SLC51A: variants seen among roughly 807,000 people sequenced by gnomAD.
SLC51A encodes the protein solute carrier family 51 member A.
Under a neutral mutation model 34.8 loss-of-function variants are expected in SLC51A, and 22 were observed. The observed-to-expected ratio is 0.63, with a 90% CI of 0.45 to 0.90. The LOEUF (loss-of-function observed/expected upper bound fraction) is 0.90, where lower values mean the gene tolerates loss of function less well. Ranked by LOEUF, SLC51A falls within the 40% of genes least tolerant of loss-of-function variation. The pLI, the probability that SLC51A is intolerant of heterozygous loss-of-function variation, is 0.00. For missense variants in SLC51A, 371 were observed against 414.8 expected (o/e 0.89, Z 0.92); for synonymous variants, 181 against 176.3 (o/e 1.03, Z -0.21).
intron 7 of SLC51A, among the ~76,000 whole-genome samples, chr3:196,232,171 A>C (rs911169022): frequency 2.0e-5 from 3 of 152,256 alleles, no homozygotes; most frequent in African/African-American, 7.2e-5. Flanking sequence ...TGAACCCTTT[A>C]ATCAGTTCTT....
chr3:196,233,051 C>G lies in SLC51A; in HGVS notation c.887-12C>G. On this transcript the variant is annotated splice_polypyrimidine_tract_variant and intron_variant, in intron 8 of 8. Transcript: ENST00000296327. ...CAGCATAACCTACGCTGTATTTCACCCTACACTGCAGTGATGAATTGCCAC... is the reference window on the plus strand; with the variant it reads ...CAGCATAACCTACGCTGTATTTCACGCTACACTGCAGTGATGAATTGCCAC... 1 of 1,613,662 alleles carries G rather than the reference C, an allele frequency of 6.2e-7. No homozygotes were observed. The highest frequency in any genetic ancestry group is 8.5e-7 in the Non-Finnish European group (1 of 1,179,740).
At chr3:196,226,254 C>G (rs919545215) in intron 2 of SLC51A, among the ~76,000 whole-genome samples, 1 of 151,916 alleles carries the variant, frequency 6.6e-6, no homozygotes, top group African/African-American at 2.4e-5. Context: ...CCCGGAAGGT[C>G]AAGGTTGCAG....
At chr3:196,219,793 T>C (rs1022607378) in intron 2 of SLC51A, among the ~76,000 whole-genome samples, 2 of 152,202 alleles carry the variant, frequency 1.3e-5, no homozygotes, top group South Asian at 4.1e-4. Flanking sequence ...CTAAACTTCC[T>C]ACAGGGCACG....
In SLC51A at chr3:196,228,105, C is replaced by A. The variant is rs755016807; in HGVS notation, c.363-10C>A. The A allele has an allele frequency of 1.2e-6, 2 of 1,610,808 alleles. No individual in the cohort carries two copies. The highest frequency in any genetic ancestry group is 1.7e-6 in the Non-Finnish European group (2 of 1,178,092). On this transcript the variant is annotated splice_polypyrimidine_tract_variant and intron_variant, in intron 4 of 8. Coordinates refer to ENST00000296327, the MANE Select transcript of SLC51A (RefSeq NM_152672.6). The surrounding 1 kb of genome is among the most constrained non-coding windows in gnomAD (Gnocchi z 4.9). ...CAGACCTCGTAGGCCCTCTTCTCTC[C>A]CCACCCCAGGTTTTATGCCGTGTGC...
At chr3:196,217,317 TGAG>T (rs1723616225) in intron 1 of SLC51A, among the ~76,000 whole-genome samples, 1 of 152,218 alleles carries the variant, frequency 6.6e-6, no homozygotes, top group Non-Finnish European at 1.5e-5. Flanking sequence ...AGTTCCAGTT[TGAG>T]TCCTGGAGTT....
chr3:196,226,817 T>C (rs889124518), intron 2 of SLC51A, 148 bp from the exon 3 acceptor site: 2 of 552,234 alleles, frequency 3.6e-6, no homozygotes, highest in African/African-American at 4.0e-5. Context: ...GACTATTTCT[T>C]AGGTTGAATA....
chr3:196,218,978 C>A (rs1210213639), intron 2 of SLC51A, among the ~76,000 whole-genome samples: 1 of 152,140 alleles, frequency 6.6e-6, no homozygotes, highest in South Asian at 2.1e-4. Context: ...GTAATCCCTG[C>A]ACTTTGGGAG....
intron 3 of SLC51A, chr3:196,227,386 G>C: frequency 1.7e-6 from 1 of 590,036 alleles, no homozygotes; most frequent in East Asian, 2.9e-5. Flanking sequence ...CTACAGTGTT[G>C]CCACTTGAAG....
intron 2 of SLC51A, among the ~76,000 whole-genome samples, chr3:196,225,504 G>A (rs1723873105): frequency 6.6e-6 from 1 of 152,178 alleles, no homozygotes; most frequent in South Asian, 2.1e-4. Context: ...CACCCCGCAA[G>A]GCAACAGGAC....
In SLC51A at chr3:196,231,067, T is replaced by C. The variant is rs145671002; in HGVS notation, c.780+1006T>C. 2.9e-3 allele frequency among the ~76,000 whole-genome samples: 441 copies of C among 152,290 alleles called. 3 individuals are homozygous for C. Among genetic ancestry groups the C allele is most frequent in the African/African-American group, 0.01 (425 of 41,552 alleles). On this transcript the variant is annotated intron_variant, in intron 7 of 8. Transcript: ENST00000296327. Reference sequence around the variant, plus strand: ...TCAACACCAGCAGAAGCATTAGCATTAGCTACAGGACCTACCTACACCATG... The same window carrying C: ...TCAACACCAGCAGAAGCATTAGCATCAGCTACAGGACCTACCTACACCATG...
Position 196,227,858 on chromosome 3 carries a change from C to T in SLC51A, c.362+121C>T, listed in dbSNP as rs1723935877. 7 of 1,032,002 alleles carry T rather than the reference C, an allele frequency of 6.8e-6. 1 individual carries two copies. Among genetic ancestry groups the T allele is most frequent in the South Asian group, 6.3e-5 (4 of 63,428 alleles). The allele number at this position is 1,032,002 out of a possible 1,614,324, so 63.9% of individuals were successfully genotyped here. ...GGCCCTTCCCAGCTTGTGCTAGTTC[C>T]GGGCTCTTGCGCTCCTGGCTCTGCT... On this transcript the variant is annotated intron_variant, in intron 4 of 8. Transcript: ENST00000296327.
chr3:196,226,784 A>AAAAAAG (rs1723902678), intron 2 of SLC51A, among the ~76,000 whole-genome samples, 181 bp from the exon 3 acceptor site: 1 of 150,136 alleles, frequency 6.7e-6, no homozygotes, highest in African/African-American at 2.5e-5. Flanking sequence ...AAAAAAAAAA[A>AAAAAAG]AAAAAGAAAA....
intron 1 of SLC51A, among the ~76,000 whole-genome samples, chr3:196,217,140 G>A (rs1025809668): frequency 1.3e-5 from 2 of 152,224 alleles, no homozygotes; most frequent in African/African-American, 4.8e-5. Context: ...AATCCACGGT[G>A]GGCTCTTCAG....
intron 2 of SLC51A, among the ~76,000 whole-genome samples, chr3:196,219,336 G>A (rs1393637041): frequency 6.6e-6 from 1 of 152,232 alleles, no homozygotes; most frequent in Admixed American, 6.5e-5. Context: ...GCCCGAGCAT[G>A]CTTAGAGAAA....
At chr3:196,224,698 G>A (rs1162746725) in intron 2 of SLC51A, among the ~76,000 whole-genome samples, 4 of 44,906 alleles carry the variant, frequency 8.9e-5, no homozygotes, top group African/African-American at 3.6e-4. Flanking sequence ...GGGGCGGGGC[G>A]GGGGGGGGAG....
rs763902624 is a variant in SLC51A at position 196,228,088 on chromosome 3, G to C, written c.363-27G>C. 1 of 1,602,734 alleles carries C rather than the reference G, an allele frequency of 6.2e-7. No homozygotes were observed. The highest frequency in any genetic ancestry group is 2.2e-5 in the East Asian group (1 of 44,716). ...GTCTTTCTCTCTGGCAGCAGACCTC[G>C]TAGGCCCTCTTCTCTCCCCACCCCA... On this transcript the variant is annotated intron_variant, in intron 4 of 8. Transcript: ENST00000296327. The surrounding 1 kb of genome is among the most constrained non-coding windows in gnomAD (Gnocchi z 4.9).
At chr3:196,217,045 CGTCT>C (rs1472695133) in intron 1 of SLC51A, among the ~76,000 whole-genome samples, 2 of 152,218 alleles carry the variant, frequency 1.3e-5, no homozygotes, top group Non-Finnish European at 2.9e-5. Context: ...GGGGCCCGTC[CGTCT>C]GTAAGGACTC....
At chr3:196,227,323 G>A (rs1463403891) in intron 3 of SLC51A, 17 of 607,980 alleles carry the variant, frequency 2.8e-5, no homozygotes, top group African/African-American at 1.1e-4. Flanking sequence ...TAAGGGCTGC[G>A]GAGACAGCTG....
Position 196,228,764 on chromosome 3 carries a change from C to A in SLC51A, c.522-45C>A. The A allele has an allele frequency of 6.5e-7, 1 of 1,546,644 alleles. No homozygotes were observed. The highest frequency in any genetic ancestry group is 2.2e-5 in the East Asian group (1 of 44,522). ...GAGGAGCCGGGGCGTCTTCCTGGGG[C>A]AGGGGGTTTGTGGGCCCATGTTCCT... On this transcript the variant is annotated intron_variant, in intron 5 of 8. Transcript: ENST00000296327. This position sits in a 1 kb window ranked among gnomAD's most constrained non-coding sequence, Gnocchi z 4.9.
Sources: gnomAD v4.1 joint callset for allele counts (sites outside exome capture counted in the v4.1 genomes callset) on GRCh38, gnomAD v4.1.1 for gene constraint, Gnocchi (gnomAD v3.1) non-coding constraint, MANE v1.5 for transcripts, NCBI Gene and HGNC (gene_info 2026-07-23, HGNC 2026-07-21) for gene names.